Variants in IGF2R observed in about 807,000 individuals in gnomAD.
The protein encoded by IGF2R is insulin like growth factor 2 receptor.
In IGF2R, 91 loss-of-function variants were observed where a neutral mutation model predicts 270.6. The observed-to-expected ratio is 0.34, with a 90% confidence interval of 0.28 to 0.40. The LOEUF is 0.40. Ranked by LOEUF, IGF2R falls within the 10% of genes least tolerant of loss-of-function variation. The pLI is 1.00. For missense variants in IGF2R, 2,805 were observed against 3,188.3 expected, an observed-to-expected ratio of 0.88 and a Z score of 2.90; for synonymous variants, 1,316 against 1,258.9, an observed-to-expected ratio of 1.05 and a Z score of -0.96.
rs1281975145 is a variant in IGF2R at position 160,063,572 on chromosome 6, C to T, written c.3828C>T (p.Ser1276=). Reference sequence around the variant, plus strand: ...ACGTCTGCCCCACAAGTGACAAGTCCAAGGTGGTCTCCTCATGTCAGGAAA... The same window carrying T: ...ACGTCTGCCCCACAAGTGACAAGTCTAAGGTGGTCTCCTCATGTCAGGAAA... ...SSDVCPTSDK[S]KVVSSCQEKR... is the part of the protein sequence containing the mutation. Residue 1276 remains serine, a synonymous_variant, in exon 27 of 48, where the codon TCC becomes TCT. Transcript: ENST00000356956. 1 of 1,614,096 alleles carries T rather than the reference C, an allele frequency of 6.2e-7. No individual in the cohort carries two copies. Among genetic ancestry groups the T allele is most frequent in the African/African-American group, 1.3e-5 (1 of 74,934 alleles).
chr6:160,058,871 ATTTG>A (rs1349429964), intron 21 of IGF2R, 31 bp from the exon 22 acceptor site: 1 of 1,591,800 alleles, frequency 6.3e-7, no homozygotes, highest in Non-Finnish European at 8.6e-7. Context: ...CGAGGCATAA[ATTTG>A]TTTGTATGGC....
At chr6:160,000,647 T>G (rs545853896) in intron 2 of IGF2R, among the ~76,000 whole-genome samples, 1 of 151,528 alleles carries the variant, frequency 6.6e-6, no homozygotes, top group African/African-American at 2.4e-5. Context: ...AGCCTGGAAA[T>G]GGGCACATTT....
intron 1 of IGF2R, among the ~76,000 whole-genome samples, chr6:159,988,118 C>T (rs113876032): frequency 6.6e-6 from 1 of 152,076 alleles, no homozygotes; most frequent in African/African-American, 2.4e-5. Context: ...AGGACAATAT[C>T]CCTCATTTTA....
rs749567352 is a variant in IGF2R at position 160,044,559 on chromosome 6, T to G, written c.1667T>G (p.Met556Arg). ...CTGGGAAAATTTATTTCCTCTCCCA[T>G]GAAAGAGAAAGGAAACATTCAACTC... is the stretch of plus-strand genomic sequence containing the variant. The part of the protein sequence containing the change: ...KNLGKFISSP[M>R]KEKGNIQLSY... Residue 556 changes from methionine to arginine, a missense_variant, in exon 13 of 48, where the codon ATG (methionine) becomes AGG (arginine). Transcript: ENST00000356956. The G allele has an allele frequency of 6.2e-7, 1 of 1,608,716 alleles. No individual in the cohort carries two copies. The highest frequency in any genetic ancestry group is 8.5e-7 in the Non-Finnish European group (1 of 1,176,452).
At chr6:160,042,427 C>G (rs1777965169) in intron 11 of IGF2R, among the ~76,000 whole-genome samples, 1 of 152,196 alleles carries the variant, frequency 6.6e-6, no homozygotes, top group African/African-American at 2.4e-5. Context: ...ATTTTTATAT[C>G]TTTACCTCCT....
chr6:160,087,656 CTTTG>C (rs1244963775), intron 41 of IGF2R, among the ~76,000 whole-genome samples: 4 of 152,112 alleles, frequency 2.6e-5, no homozygotes, highest in Admixed American at 6.5e-5. Flanking sequence ...AACATTGAAG[CTTTG>C]TTTGTTTGTT....
In IGF2R at chr6:160,082,552, C is replaced by T. The variant is rs572475192; in HGVS notation, c.5834-1398C>T. 2.8e-4 allele frequency among the ~76,000 whole-genome samples: 42 copies of T among 152,288 alleles called. 2 individuals carry two copies. Among genetic ancestry groups the T allele is most frequent in the South Asian group, 1.9e-3 (9 of 4,820 alleles). Reference sequence around the variant, plus strand: ...GTCTCCAACTGCTGACCTCATGATCCGCCCACCTCGGCCTCCCAGAGTGCT... The same window carrying T: ...GTCTCCAACTGCTGACCTCATGATCTGCCCACCTCGGCCTCCCAGAGTGCT... On this transcript the variant is annotated intron_variant, in intron 39 of 47. Coordinates refer to ENST00000356956, the MANE Select transcript of IGF2R (RefSeq NM_000876.4).
chr6:160,000,486 G>A (rs554333482), intron 2 of IGF2R, among the ~76,000 whole-genome samples: 3 of 152,230 alleles, frequency 2.0e-5, no homozygotes, highest in African/African-American at 4.8e-5. Flanking sequence ...TCCAACACTC[G>A]GGATCACAAT....
chr6:160,094,113 G>A (rs73025508), intron 44 of IGF2R: 66,399 of 461,856 alleles, frequency 0.14, 5,607 homozygotes, highest in Non-Finnish European at 0.19. Flanking sequence ...AAGTACTACT[G>A]CTGTTGCATA....
At chr6:160,079,497 A>G in intron 37 of IGF2R, 83 bp from the exon 38 acceptor site, 1 of 954,780 alleles carries the variant, frequency 1.0e-6, no homozygotes, top group Non-Finnish European at 1.4e-6. Flanking sequence ...TGCCTCCAGC[A>G]TCAGCTGCAA....
At chr6:160,013,680 T>G (rs1394687635) in intron 4 of IGF2R, among the ~76,000 whole-genome samples, 2 of 152,222 alleles carry the variant, frequency 1.3e-5, no homozygotes, top group Non-Finnish European at 2.9e-5. Flanking sequence ...TTTGGAATGC[T>G]TTCAGGGAGC....
At position 160,102,007 on chromosome 6, in the gene IGF2R, C is replaced by A. The variant is rs577994649; in HGVS notation, c.6843-512C>A. Among the ~76,000 whole-genome samples the A allele has an allele frequency of 6.6e-6, 1 of 152,316 alleles. No individual in the cohort carries two copies. ...GCTCTGCTGCTCCCTGGGCCCCACC[C>A]TGGTCTGTGGCCGCCCCTGGGCCCC... is the stretch of plus-strand genomic sequence containing the variant. On this transcript the variant is annotated intron_variant, in intron 45 of 47. Transcript: ENST00000356956. The surrounding 1 kb of genome is among the most constrained non-coding windows in gnomAD (Gnocchi z 4.5).
At chr6:159,982,127 G>T (rs1397060251) in intron 1 of IGF2R, among the ~76,000 whole-genome samples, 1 of 152,188 alleles carries the variant, frequency 6.6e-6, no homozygotes, top group African/African-American at 2.4e-5. Flanking sequence ...CTCTTTTAGT[G>T]TAGGCAACAG....
At chr6:160,009,876 C>T (rs1384064020) in intron 3 of IGF2R, among the ~76,000 whole-genome samples, 1 of 152,152 alleles carries the variant, frequency 6.6e-6, no homozygotes, top group East Asian at 1.9e-4. Context: ...GGGACTGTGA[C>T]TATTGCATCT....
At chr6:160,078,717 C>G (rs1778909372) in intron 37 of IGF2R, among the ~76,000 whole-genome samples, 1 of 152,236 alleles carries the variant, frequency 6.6e-6, no homozygotes, top group South Asian at 2.1e-4. Context: ...GGGCCAGCTC[C>G]TGGGTGGCTG....
intron 3 of IGF2R, among the ~76,000 whole-genome samples, chr6:160,009,971 G>A (rs2115204913): frequency 7.2e-6 from 1 of 138,348 alleles, no homozygotes; most frequent in African/African-American, 2.7e-5. Context: ...TTGCATCGTT[G>A]TGCATATTGA....
At chr6:160,068,192 CA>C in intron 29 of IGF2R, 56 bp from the exon 30 acceptor site, 1 of 1,592,990 alleles carries the variant, frequency 6.3e-7, no homozygotes, top group Non-Finnish European at 8.6e-7. Context: ...ACAGAGTGCC[CA>C]ATGTTTAAAG....
In IGF2R at chr6:160,010,794, G is replaced by A; in HGVS notation, c.513+9G>A. On this transcript the variant is annotated intron_variant, in intron 4 of 47. Coordinates refer to ENST00000356956, the MANE Select transcript of IGF2R (RefSeq NM_000876.4). ...TTAAAGCAAATAAGGAGGTAACATG[G>A]GAACTTCAAATTACATGCTTATGAA... 6.7e-7 allele frequency: 1 copy of A among 1,499,376 alleles called. No individual in the cohort carries two copies. The allele number at this position is 1,499,376 out of a possible 1,614,324, so 92.9% of individuals were successfully genotyped here. A position where few individuals can be genotyped will look rare whatever the true frequency, so the allele number is the denominator to read the frequency against.
intron 43 of IGF2R, 90 bp from the exon 44 acceptor site, chr6:160,089,826 C>A: frequency 2.3e-6 from 2 of 861,610 alleles, no homozygotes; most frequent in Non-Finnish European, 3.4e-6. Context: ...CATCCTGGGG[C>A]CCTGCAGTGA....
Sources: allele counts gnomAD v4.1 joint callset (sites outside exome capture counted in the v4.1 genomes callset), GRCh38; gene constraint gnomAD v4.1.1; non-coding constraint Gnocchi (gnomAD v3.1); transcripts MANE v1.5; gene names NCBI Gene and HGNC (gene_info 2026-07-23, HGNC 2026-07-21).